The following JCAD variants were observed in gnomAD, a reference collection of about 807,000 sequenced individuals.
JCAD encodes the protein junctional cadherin 5 associated, also known as junctional cadherin 5-associated protein.
JCAD carries 40 observed loss-of-function variants against 98.0 expected under a neutral mutation model. The ratio of observed to expected loss-of-function variants is 0.41; its 90% CI spans 0.32 to 0.53. The LOEUF (loss-of-function observed/expected upper bound fraction) is 0.53. JCAD is among the 20% of genes least tolerant of loss of function. The pLI, the probability that JCAD is intolerant of heterozygous loss-of-function variation, is 0.31. For synonymous variants in JCAD, 691 were observed against 682.3 expected (o/e 1.01, Z -0.20); for missense variants, 1,705 against 1,738.1 (o/e 0.98, Z 0.34).
intron 1 of JCAD, among the ~76,000 whole-genome samples, chr10:30,086,959 G>A (rs1325799775): frequency 6.6e-6 from 1 of 152,194 alleles, no homozygotes; most frequent in Admixed American, 6.5e-5. Flanking sequence ...GATAAATATA[G>A]TAAACCGAAC....
chr10:30,064,500 T>C (rs574855867), upstream of JCAD, among the ~76,000 whole-genome samples: 22 of 152,364 alleles, frequency 1.4e-4, no homozygotes, highest in South Asian at 4.6e-3. Context: ...CATCACCTTA[T>C]ACATTTACCA....
chr10:30,078,909 C>T (rs1838027241), intron 1 of JCAD, among the ~76,000 whole-genome samples: 1 of 152,108 alleles, frequency 6.6e-6, no homozygotes, highest in Non-Finnish European at 1.5e-5. Context: ...CTTTGTGTGC[C>T]CTTGAAGCTG....
intron 2 of JCAD, among the ~76,000 whole-genome samples, chr10:30,033,443 G>A (rs1309406558): frequency 6.6e-6 from 1 of 152,210 alleles, no homozygotes; most frequent in Non-Finnish European, 1.5e-5. Context: ...TGTGATGCAT[G>A]TTGTCAAACT....
rs763138612 is a variant in JCAD, at chr10:30,026,640, G to A, written c.3508C>T (p.Pro1170Ser). ...ACATCTGAGTGCTCAAAAGCCTGAG[G>A]AGCCCGCCTGGCACTGTCCCTGTCC... ...VGDRDSARRA[P>S]QAFEHSDVDG... is the part of the protein sequence containing the mutation. Residue 1170 changes from proline to serine, a missense_variant, in exon 3 of 4, where the codon CCT becomes TCT. This residue lies in a region of JCAD where 1,278 missense variants were observed against 1,243.1 expected (regional missense o/e 1.03). Transcript: ENST00000375377. The A allele has an allele frequency of 5.6e-6, 9 of 1,613,020 alleles. No individual in the cohort carries two copies.
chr10:30,037,205 T>G (rs1029132712), intron 2 of JCAD, among the ~76,000 whole-genome samples: 1 of 152,332 alleles, frequency 6.6e-6, no homozygotes, highest in African/African-American at 2.4e-5. Context: ...CTCTGAAAGC[T>G]CTCTGGGCCT....
chr10:30,050,314 C>CAAAA (rs61421356), intron 1 of JCAD, among the ~76,000 whole-genome samples: 763 of 39,944 alleles, frequency 0.019, no homozygotes, highest in Non-Finnish European at 0.029. Context: ...GACCCTGTCT[C>CAAAA]AAAAAAAAAA....
intron 3 of JCAD, among the ~76,000 whole-genome samples, chr10:30,025,707 G>C (rs1181033706): frequency 6.6e-6 from 1 of 151,970 alleles, no homozygotes; most frequent in Non-Finnish European, 1.5e-5. Flanking sequence ...GAGTAACATA[G>C]TGGGATCTCG....
At chr10:30,112,663 GGAGATC>G (rs1838725346) in intron 1 of JCAD, among the ~76,000 whole-genome samples, 1 of 151,994 alleles carries the variant, frequency 6.6e-6, no homozygotes, top group African/African-American at 2.4e-5. Context: ...CCTGAAGTCA[GGAGATC>G]GAGACCAGCC....
intron 3 of JCAD, among the ~76,000 whole-genome samples, chr10:30,025,138 G>A (rs1306989145): frequency 6.6e-6 from 1 of 152,108 alleles, no homozygotes; most frequent in African/African-American, 2.4e-5. Flanking sequence ...AGACTGGGTA[G>A]GAAGAGGGAA....
At chr10:30,023,672 A>C (rs576864142) in intron 3 of JCAD, among the ~76,000 whole-genome samples, 8 of 152,266 alleles carry the variant, frequency 5.3e-5, no homozygotes, top group African/African-American at 1.9e-4. Context: ...GTATATTAGC[A>C]AATGCATCAG....
chr10:30,096,332 C>G (rs181021233), intron 1 of JCAD, among the ~76,000 whole-genome samples: 20 of 152,322 alleles, frequency 1.3e-4, no homozygotes, highest in Admixed American at 1.2e-3. Context: ...TCAGTTTCCT[C>G]GTCTGTAAGA....
At position 30,085,040 on chromosome 10, in the gene JCAD, A is replaced by G. The variant is rs540754916; in HGVS notation, n.129-15219T>C. ...GCCATCACATTAATAAAATAAAGAA[A>G]CAATCCTGATATGAGAGCAGTAGGT... On this transcript the variant is annotated intron_variant and non_coding_transcript_variant, in intron 1 of 2. Coordinates refer to the JCAD transcript ENST00000465712. Among the ~76,000 whole-genome samples, 282 of 152,318 alleles carry G rather than the reference A, an allele frequency of 1.9e-3. 1 individual carries two copies. Among genetic ancestry groups the G allele is most frequent in the Non-Finnish European group, 2.4e-3 (162 of 68,028 alleles).
intron 1 of JCAD, among the ~76,000 whole-genome samples, chr10:30,107,744 C>A (rs1346851914): frequency 6.6e-6 from 1 of 152,122 alleles, no homozygotes; most frequent in Non-Finnish European, 1.5e-5. Flanking sequence ...GGACCCCTTT[C>A]AAGTAACATG....
At chr10:30,099,491 T>C (rs1838433660) in intron 1 of JCAD, among the ~76,000 whole-genome samples, 1 of 152,136 alleles carries the variant, frequency 6.6e-6, no homozygotes, top group African/African-American at 2.4e-5. Flanking sequence ...AGTAAGTGTT[T>C]GTGAAGCACT....
chr10:30,081,678 C>T (rs1435765220), intron 1 of JCAD, among the ~76,000 whole-genome samples: 1 of 152,186 alleles, frequency 6.6e-6, no homozygotes, highest in Non-Finnish European at 1.5e-5. Context: ...GTGATCCACT[C>T]ACCTCAGCTT....
chr10:30,051,155 T>C (rs768235926), intron 1 of JCAD, among the ~76,000 whole-genome samples: 5 of 152,290 alleles, frequency 3.3e-5, no homozygotes, highest in Admixed American at 2.0e-4. Flanking sequence ...AGAGAAGGCA[T>C]GGTGGCATTA....
chr10:30,036,464 CA>C (rs1451515078), intron 2 of JCAD, among the ~76,000 whole-genome samples: 1 of 138,732 alleles, frequency 7.2e-6, no homozygotes, highest in African/African-American at 3.3e-5. Context: ...AAAAAAAAAA[CA>C]AAAAAAATGC....
intron 1 of JCAD, among the ~76,000 whole-genome samples, chr10:30,051,755 A>G (rs1306896198): frequency 6.6e-6 from 1 of 152,188 alleles, no homozygotes; most frequent in African/African-American, 2.4e-5. Flanking sequence ...AGTCCTTTCT[A>G]TTGTAACATG....
intron 1 of JCAD, among the ~76,000 whole-genome samples, chr10:30,101,301 C>T (rs978232425): frequency 1.4e-4 from 22 of 151,932 alleles, no homozygotes; most frequent in Non-Finnish European, 1.5e-4. Context: ...CCCAGCTACT[C>T]GGGAGGCTGA....
Sources: allele counts gnomAD v4.1 joint callset (sites outside exome capture counted in the v4.1 genomes callset), GRCh38; gene constraint gnomAD v4.1.1; regional missense constraint gnomAD v4.1.1; transcripts MANE v1.5; gene names NCBI Gene and HGNC (gene_info 2026-07-23, HGNC 2026-07-21).